Variants in SEMA6D observed in about 807,000 individuals in gnomAD.
SEMA6D encodes semaphorin 6D.
In SEMA6D, 35 loss-of-function variants were observed where a neutral mutation model predicts 106.6. That is an observed-to-expected ratio of 0.33 (90% CI 0.25 to 0.44). The LOEUF is 0.44. Among genes scored for constraint, SEMA6D ranks in the 20% least tolerant of loss-of-function variants. SEMA6D has a pLI of 1.00. For missense variants in SEMA6D, 1,185 were observed against 1,345.9 expected (o/e 0.88, Z 1.87); for synonymous variants, 499 against 487.7 (o/e 1.02, Z -0.31).
At chr15:47,698,182 A>G (rs1267816853) in intron 4 of SEMA6D, among the ~76,000 whole-genome samples, 2 of 152,224 alleles carry the variant, frequency 1.3e-5, no homozygotes, top group Non-Finnish European at 2.9e-5. Context: ...TTCATTATCC[A>G]AAAATAACAC....
At chr15:47,353,494 G>A (rs1321277448) in intron 1 of SEMA6D, among the ~76,000 whole-genome samples, 1 of 152,040 alleles carries the variant, frequency 6.6e-6, no homozygotes, top group Non-Finnish European at 1.5e-5. Flanking sequence ...CGTTCCATTG[G>A]GAATGTGTCA....
intron 3 of SEMA6D, among the ~76,000 whole-genome samples, chr15:47,565,976 C>T (rs1483715933): frequency 2.6e-5 from 4 of 152,076 alleles, no homozygotes; most frequent in African/African-American, 7.2e-5. Flanking sequence ...ATCGCAAAAC[C>T]CCAAGGAAAG....
chr15:47,692,609 C>T (rs368307200), intron 4 of SEMA6D, among the ~76,000 whole-genome samples: 4 of 152,170 alleles, frequency 2.6e-5, no homozygotes, highest in Non-Finnish European at 4.4e-5. Flanking sequence ...CTCCAATGCT[C>T]AAAGCAAAGC....
intron 3 of SEMA6D, among the ~76,000 whole-genome samples, chr15:47,558,659 C>A (rs2045986262): frequency 6.6e-6 from 1 of 151,940 alleles, no homozygotes; most frequent in Non-Finnish European, 1.5e-5. Context: ...TCAATTCAAT[C>A]TATTAACTCT....
intron 1 of SEMA6D, among the ~76,000 whole-genome samples, chr15:47,312,428 C>A (rs377710880): frequency 6.6e-6 from 1 of 152,114 alleles, no homozygotes; most frequent in Admixed American, 6.5e-5. Context: ...CTGCTCCAGT[C>A]GGGCTGTTTT....
intron 1 of SEMA6D, among the ~76,000 whole-genome samples, chr15:47,221,655 A>G (rs2031219431): frequency 1.3e-5 from 2 of 152,240 alleles, no homozygotes; most frequent in African/African-American, 4.8e-5. Flanking sequence ...TAAACAAAAG[A>G]CAGTGGCAGT....
intron 1 of SEMA6D, among the ~76,000 whole-genome samples, chr15:47,728,899 C>T (rs995092480): frequency 2.0e-5 from 3 of 152,196 alleles, no homozygotes; most frequent in African/African-American, 7.2e-5. Context: ...AGCTTCGGAC[C>T]ACTCAGATAA....
chr15:47,611,148 T>TACACACACACACACAC (rs71432248), intron 4 of SEMA6D, among the ~76,000 whole-genome samples: 2 of 141,562 alleles, frequency 1.4e-5, no homozygotes, highest in African/African-American at 5.2e-5. Flanking sequence ...CCGTCCTACA[T>TACACACACACACACAC]ACACACACAC....
At chr15:47,635,441 A>G (rs1254719929) in intron 4 of SEMA6D, among the ~76,000 whole-genome samples, 1 of 152,166 alleles carries the variant, frequency 6.6e-6, no homozygotes, top group Non-Finnish European at 1.5e-5. Context: ...GTCCTTTGTT[A>G]TCTCTAAGAA....
intron 1 of SEMA6D, among the ~76,000 whole-genome samples, chr15:47,376,681 A>G (rs551019064): frequency 6.6e-6 from 1 of 152,356 alleles, no homozygotes; most frequent in Admixed American, 6.5e-5. Flanking sequence ...GAAGCTGGGG[A>G]GCACTGGCTC....
chr15:47,203,907 A>T (rs908422100), intron 1 of SEMA6D, among the ~76,000 whole-genome samples: 2 of 152,224 alleles, frequency 1.3e-5, no homozygotes, highest in African/African-American at 4.8e-5. Flanking sequence ...GTATGTTTAC[A>T]TAGAAGTTAA....
intron 11 of SEMA6D, 34 bp downstream of exon 11, chr15:47,764,339 A>T: frequency 6.3e-7 from 1 of 1,598,662 alleles, no homozygotes. Context: ...TTTTGTCTTG[A>T]ACAAAACCTT....
At chr15:47,249,838 C>G (rs1479345957) in intron 1 of SEMA6D, among the ~76,000 whole-genome samples, 1 of 152,148 alleles carries the variant, frequency 6.6e-6, no homozygotes, top group East Asian at 1.9e-4. Flanking sequence ...GCTACAAGCT[C>G]AAAGGAGTAA....
chr15:47,756,869 A>G (rs1030788544), intron 1 of SEMA6D, among the ~76,000 whole-genome samples: 11 of 150,966 alleles, frequency 7.3e-5, no homozygotes, highest in Non-Finnish European at 1.5e-4. Flanking sequence ...GCCTCCATTT[A>G]TAACTACTAT....
At chr15:47,467,989 G>A (rs1394261336) in intron 2 of SEMA6D, among the ~76,000 whole-genome samples, 4 of 152,074 alleles carry the variant, frequency 2.6e-5, no homozygotes, top group Non-Finnish European at 1.5e-5. Flanking sequence ...TTTTGAGACA[G>A]TTAATGTCAC....
At chr15:47,597,461 AACTT>A (rs1177375159) in intron 3 of SEMA6D, among the ~76,000 whole-genome samples, 1 of 152,140 alleles carries the variant, frequency 6.6e-6, no homozygotes, top group Non-Finnish European at 1.5e-5. Flanking sequence ...ATGTGGAAAT[AACTT>A]AAGTATCAAC....
intron 1 of SEMA6D, among the ~76,000 whole-genome samples, chr15:47,243,759 C>T (rs1378177378): frequency 2.0e-5 from 3 of 152,028 alleles, no homozygotes; most frequent in Non-Finnish European, 4.4e-5. Context: ...GAAAAGAAAG[C>T]AATAGATATG....
chr15:47,542,122 G>A (rs2045373515), intron 3 of SEMA6D, among the ~76,000 whole-genome samples: 1 of 152,078 alleles, frequency 6.6e-6, no homozygotes, highest in African/African-American at 2.4e-5. Context: ...CTAAGATTCT[G>A]GATATGTTAT....
At chr15:47,413,639 A>G (rs760426711) in intron 2 of SEMA6D, among the ~76,000 whole-genome samples, 4 of 151,924 alleles carry the variant, frequency 2.6e-5, no homozygotes, top group Admixed American at 1.3e-4. Context: ...AAACACCACT[A>G]TGCCTTCCTA....
Sources: gnomAD v4.1 joint callset for allele counts (sites outside exome capture counted in the v4.1 genomes callset) on GRCh38, gnomAD v4.1.1 for gene constraint, MANE v1.5 for transcripts, NCBI Gene and HGNC (gene_info 2026-07-23, HGNC 2026-07-21) for gene names.